Variants in MINK1 observed in about 807,000 individuals in gnomAD.
MINK1 encodes misshapen-like kinase 1.
In MINK1, 46 loss-of-function variants were observed where a neutral mutation model predicts 178.4. The observed-to-expected ratio is 0.26, with a 90% CI of 0.20 to 0.33. The LOEUF (loss-of-function observed/expected upper bound fraction) is 0.33, where lower values mean the gene tolerates loss of function less well. MINK1 is among the 10% of genes least tolerant of loss of function. MINK1 has a pLI of 1.00. For missense variants in MINK1, 1,366 were observed against 1,814.9 expected (o/e 0.75, Z 4.49); for synonymous variants, 797 against 709.7 (o/e 1.12, Z -1.96).
At chr17:4,882,237 C>A (rs1163798390) in intron 4 of MINK1, among the ~76,000 whole-genome samples, 1 of 152,252 alleles carries the variant, frequency 6.6e-6, no homozygotes, top group Non-Finnish European at 1.5e-5. Context: ...AAGGAATAGG[C>A]ACATGCAAAT....
At chr17:4,837,422 T>G (rs1909478841) in intron 1 of MINK1, among the ~76,000 whole-genome samples, 1 of 152,234 alleles carries the variant, frequency 6.6e-6, no homozygotes, top group Non-Finnish European at 1.5e-5. Flanking sequence ...CCTCTTTTAT[T>G]TATGCACAAT....
rs1912884390 is a variant in MINK1, at chr17:4,855,389, GGC to G, written c.57+21750_57+21751del. On this transcript the variant is annotated intron_variant, in intron 1 of 31. Coordinates refer to ENST00000355280, the MANE Select transcript of MINK1 (RefSeq NM_153827.5). ...TAGTCCCAGCTACTCAGGAGGCTGA[GGC>G]AGGAGAATGGCGTGAACCTCGGAGG... Among the ~76,000 whole-genome samples the G allele has an allele frequency of 2.0e-5, 3 of 151,490 alleles. 1 individual carries two copies. The highest frequency in any genetic ancestry group is 7.3e-5 in the African/African-American group (3 of 41,142).
At position 4,890,587 on chromosome 17, in the gene MINK1, A is replaced by G. The variant is rs1968691195; in HGVS notation, c.1418A>G (p.His473Arg). ...ERLQRQLQQE[H>R]AYLKSLQQQQ... ...CTCCAGAGGCAGCTGCAGCAGGAGCATGCCTACCTCAAGTCCCTGCAGCAG... is the reference window on the plus strand; with the variant it reads ...CTCCAGAGGCAGCTGCAGCAGGAGCGTGCCTACCTCAAGTCCCTGCAGCAG... Residue 473 changes from histidine to arginine, a missense_variant, in exon 14 of 32, where the codon CAT (histidine) becomes CGT (arginine). By Grantham distance (29) the His-to-Arg change is conservative. Around this residue, in one of 14 missense-constraint regions of MINK1, gnomAD observed 11 missense variants for 28.5 expected, o/e 0.39. Coordinates refer to ENST00000355280, the MANE Select transcript of MINK1 (RefSeq NM_153827.5). The G allele has an allele frequency of 3.2e-6, 5 of 1,571,556 alleles. No homozygotes were observed. Among genetic ancestry groups the G allele is most frequent in the African/African-American group, 1.4e-5 (1 of 73,704 alleles).
In MINK1 at chr17:4,897,416, G is replaced by C. The variant is rs1478194970; in HGVS notation, c.*129G>C. The stretch of plus-strand genomic sequence containing the variant: ...TGGTTTGATTTCACTGGAGCCTGCT[G>C]GGAACGTGACCTCTGACCCCTGATG... On this transcript the variant is annotated 3_prime_UTR_variant, in exon 32 of 32. Coordinates refer to ENST00000355280, the MANE Select transcript of MINK1 (RefSeq NM_153827.5). 5.1e-6 allele frequency: 4 copies of C among 791,892 alleles called. No homozygotes were observed. The highest frequency in any genetic ancestry group is 8.2e-6 in the Non-Finnish European group (4 of 488,136). The allele number at this position is 791,892 out of a possible 1,614,324, so 49.1% of individuals were successfully genotyped here.
At chr17:4,876,813 C>T (rs889702215) in intron 1 of MINK1, among the ~76,000 whole-genome samples, 2 of 152,010 alleles carry the variant, frequency 1.3e-5, no homozygotes, top group South Asian at 2.1e-4. Flanking sequence ...CTGAGGCAGG[C>T]GTGGTGGCTC....
chr17:4,850,519 G>GCCCCC (rs34173368), intron 1 of MINK1, among the ~76,000 whole-genome samples: 135 of 144,958 alleles, frequency 9.3e-4, no homozygotes, highest in African/African-American at 3.4e-3. Flanking sequence ...CTTCCTGCTG[G>GCCCCC]CCCCCCCCGC....
Position 4,896,873 on chromosome 17 carries a change from T to G in MINK1, c.3915+60T>G, listed in dbSNP as rs751035475. ...CCCGGCTGCCATGACCCTAGGCCCC[T>G]GGGCAGAGTTCTGGGGAGAGGATGG... On this transcript the variant is annotated intron_variant, in intron 31 of 31. Coordinates refer to ENST00000355280, the MANE Select transcript of MINK1 (RefSeq NM_153827.5). The surrounding 1 kb of genome is among the most constrained non-coding windows in gnomAD (Gnocchi z 4.6). The G allele has an allele frequency of 3.3e-6, 5 of 1,506,098 alleles. No individual in the cohort carries two copies. Among genetic ancestry groups the G allele is most frequent in the South Asian group, 1.4e-5 (1 of 73,164 alleles). 93.3% of individuals were successfully genotyped at this position (1,506,098 alleles called of 1,614,324 possible).
rs760973008 is a variant in MINK1 at position 4,893,343 on chromosome 17, C to T, written c.2401-91C>T. 4 of 1,613,288 alleles carry T rather than the reference C, an allele frequency of 2.5e-6. No individual in the cohort carries two copies. The South Asian group carries it at 4.4e-5, about 18-fold the overall frequency. On this transcript the variant is annotated intron_variant, in intron 20 of 31. Coordinates refer to ENST00000355280, the MANE Select transcript of MINK1 (RefSeq NM_153827.5). The stretch of plus-strand genomic sequence containing the variant: ...GATGGGCCTGCTTGTGGGAGCCCCT[C>T]CTGTCGCCCTGCTGGGGTGTCCCGG...
At chr17:4,855,081 G>A (rs866607815) in intron 1 of MINK1, among the ~76,000 whole-genome samples, 5 of 151,724 alleles carry the variant, frequency 3.3e-5, no homozygotes, top group Admixed American at 1.3e-4. Flanking sequence ...GGTGGTGGGC[G>A]CCTATAGTCC....
chr17:4,854,589 C>A (rs537729285), intron 1 of MINK1, among the ~76,000 whole-genome samples: 1 of 152,230 alleles, frequency 6.6e-6, no homozygotes, highest in Non-Finnish European at 1.5e-5. Context: ...GCGTGTGTCT[C>A]ACACATCCCT....
intron 2 of MINK1, among the ~76,000 whole-genome samples, chr17:4,879,608 G>A (rs756280192): frequency 2.6e-4 from 39 of 152,326 alleles, no homozygotes; most frequent in Non-Finnish European, 5.4e-4. Flanking sequence ...CCCATGAGGG[G>A]CCACCTTCCT....
rs1969153687 is a variant in MINK1, at chr17:4,893,989, A to G, written c.2566A>G (p.Ser856Gly). The change falls in exon 22 of 32, where the codon AGC becomes GGC. Residue 856 changes from serine to glycine, a missense_variant and splice_region_variant. Physicochemically the swap from Ser to Gly is moderately conservative, Grantham distance 56 (BLOSUM62 0). Around this residue, in one of 14 missense-constraint regions of MINK1, gnomAD observed 709 missense variants for 692.3 expected, o/e 1.02. Transcript: ENST00000355280. ...EGSRDTPGGR[S>G]DGDTDSVSTM... The stretch of plus-strand genomic sequence containing the variant: ...GGGCCCCACCTTCCTCTCTCACAGC[A>G]GCGATGGGGATACAGACAGCGTCAG... The G allele has an allele frequency of 2.5e-6, 4 of 1,572,518 alleles. No individual in the cohort carries two copies. Among genetic ancestry groups the G allele is most frequent in the South Asian group, 1.2e-5 (1 of 85,808 alleles).
rs781376634 is a variant in MINK1, at chr17:4,896,118, G to T, written c.3465+15G>T. 1.2e-6 allele frequency: 2 copies of T among 1,605,818 alleles called. No homozygotes were observed. Among genetic ancestry groups the T allele is most frequent in the Middle Eastern group, 1.7e-4 (1 of 6,048 alleles). ...TGGCCTTCAAGGTAATCCCAGCCTC[G>T]GTCCCTAACACCATCTGGAGTCCCA... On this transcript the variant is annotated intron_variant, in intron 28 of 31. Coordinates refer to ENST00000355280, the MANE Select transcript of MINK1 (RefSeq NM_153827.5). The surrounding 1 kb of genome is among the most constrained non-coding windows in gnomAD (Gnocchi z 4.6).
intron 31 of MINK1, 81 bp from the exon 32 acceptor site, chr17:4,897,123 C>A: frequency 1.6e-6 from 2 of 1,219,978 alleles, no homozygotes; most frequent in East Asian, 2.5e-5. Flanking sequence ...TCTGCCACCC[C>A]TTCTTCCCTT....
intron 1 of MINK1, among the ~76,000 whole-genome samples, chr17:4,856,053 C>T (rs538085843): frequency 5.3e-5 from 8 of 152,108 alleles, no homozygotes; most frequent in Admixed American, 5.2e-4. Context: ...CCTGCCTTCT[C>T]TCTTCCTTTC....
chr17:4,833,435 G>A lies in MINK1; in HGVS notation c.-149G>A. 1 of 599,184 alleles carries A rather than the reference G, an allele frequency of 1.7e-6. No homozygotes were observed. Among genetic ancestry groups the A allele is most frequent in the Non-Finnish European group, 2.8e-6 (1 of 354,898 alleles). 37.1% of individuals were successfully genotyped at this position (599,184 alleles called of 1,614,324 possible). ...CCTGTCAGTCGGTGGGTCGGTCCTCGCGCCGGCCCTCCCCCTCCCCGGTCT... is the reference window on the plus strand; with the variant it reads ...CCTGTCAGTCGGTGGGTCGGTCCTCACGCCGGCCCTCCCCCTCCCCGGTCT... On this transcript the variant is annotated 5_prime_UTR_variant, in exon 1 of 32. Transcript: ENST00000355280. The surrounding 1 kb of genome is among the most constrained non-coding windows in gnomAD (Gnocchi z 4.8).
intron 1 of MINK1, chr17:4,847,102 C>G (rs1911153809): frequency 6.6e-6 from 3 of 454,806 alleles, no homozygotes; most frequent in African/African-American, 2.0e-5. Context: ...AATTGCCTAT[C>G]TCTAAAGAGC....
chr17:4,876,834 T>C (rs1967225590), intron 1 of MINK1, among the ~76,000 whole-genome samples: 1 of 151,980 alleles, frequency 6.6e-6, no homozygotes, highest in Non-Finnish European at 1.5e-5. Context: ...ACACCTGTAA[T>C]CCCAGTACTT....
chr17:4,841,946 G>T (rs1314774492), intron 1 of MINK1, among the ~76,000 whole-genome samples: 1 of 152,122 alleles, frequency 6.6e-6, no homozygotes, highest in Non-Finnish European at 1.5e-5. Flanking sequence ...GGAGCACCGG[G>T]CACGGTGGCT....
Sources: allele counts gnomAD v4.1 joint callset (sites outside exome capture counted in the v4.1 genomes callset), GRCh38; gene constraint gnomAD v4.1.1; regional missense constraint gnomAD v4.1.1; non-coding constraint Gnocchi (gnomAD v3.1); transcripts MANE v1.5; gene names NCBI Gene and HGNC (gene_info 2026-07-23, HGNC 2026-07-21).